The following PRELID2 variants were observed in gnomAD, a reference collection of about 807,000 sequenced individuals.
The protein encoded by PRELID2 is PRELI domain-containing protein 2.
Under a neutral mutation model 28.4 loss-of-function variants are expected in PRELID2, and 25 were observed. That is an observed-to-expected ratio of 0.88 (90% CI 0.64 to 1.23). PRELID2 has a LOEUF of 1.23. Ranked by LOEUF, PRELID2 falls within the 50% of genes most tolerant of loss-of-function variation. PRELID2 has a pLI of 0.00. For missense variants in PRELID2, 201 were observed against 214.4 expected, an observed-to-expected ratio of 0.94 and a Z score of 0.39; for synonymous variants, 76 against 71.6, an observed-to-expected ratio of 1.06 and a Z score of -0.31.
chr5:145,515,565 A>G (rs886263673), intron 1 of PRELID2, among the ~76,000 whole-genome samples: 2 of 152,228 alleles, frequency 1.3e-5, no homozygotes, highest in African/African-American at 4.8e-5. Flanking sequence ...CCCGAGTTAC[A>G]AAGAGAAGCT....
the PRELID2 span, among the ~76,000 whole-genome samples, chr5:145,277,326 A>G: frequency 6.6e-6 from 1 of 152,204 alleles, no homozygotes; most frequent in East Asian, 1.9e-4. Flanking sequence ...ATTAGATCTC[A>G]TAAAAATAAA....
the PRELID2 span, among the ~76,000 whole-genome samples, chr5:145,352,659 A>G: frequency 1.2e-3 from 187 of 152,226 alleles, no homozygotes; most frequent in African/African-American, 4.5e-3. Flanking sequence ...ACAGGCTTGA[A>G]TTTCTTTCCA....
At chr5:145,572,140 A>G (rs1753020293) in intron 1 of PRELID2, among the ~76,000 whole-genome samples, 1 of 152,226 alleles carries the variant, frequency 6.6e-6, no homozygotes, top group Non-Finnish European at 1.5e-5. Context: ...AGATCTTTAG[A>G]TAAATTGGTT....
At chr5:145,315,632 C>CCTCACA in the PRELID2 span, among the ~76,000 whole-genome samples, 1 of 150,532 alleles carries the variant, frequency 6.6e-6, no homozygotes, top group African/African-American at 2.5e-5. Context: ...AATAGCCCAT[C>CCTCACA]CTCACACATA....
At chr5:145,337,994 G>A in the PRELID2 span, 1 of 151,776 alleles carries the variant, frequency 6.6e-6, no homozygotes, top group Admixed American at 6.6e-5. Context: ...TAAAGCTGGA[G>A]GGAAATAAAA....
At chr5:145,668,132 G>T (rs1431257451) in intron 1 of PRELID2, among the ~76,000 whole-genome samples, 1 of 151,982 alleles carries the variant, frequency 6.6e-6, no homozygotes, top group African/African-American at 2.4e-5. Flanking sequence ...AAATATCAAA[G>T]ATTTAGTGTT....
chr5:145,790,236 G>T (rs1359761932), intron 5 of PRELID2, among the ~76,000 whole-genome samples: 1 of 152,086 alleles, frequency 6.6e-6, no homozygotes, highest in Non-Finnish European at 1.5e-5. Flanking sequence ...CCAAGATATG[G>T]AATCAACCTA....
rs115974356 is a variant in PRELID2 at position 145,521,484 on chromosome 5, G to C, written n.71-48169C>G. 2.6e-3 allele frequency among the ~76,000 whole-genome samples: 392 copies of C among 152,236 alleles called. 2 individuals carry two copies. The highest frequency in any genetic ancestry group is 9.1e-3 in the African/African-American group (378 of 41,534). On this transcript the variant is annotated intron_variant and non_coding_transcript_variant, in intron 1 of 2. Coordinates refer to the PRELID2 transcript ENST00000510259. The stretch of plus-strand genomic sequence containing the variant: ...CTGCCATGTACAACATGGGGATCCA[G>C]TGTGGTTGTAAAATATTCCCATTTT...
At chr5:145,736,945 C>G (rs1434267700) in intron 1 of PRELID2, among the ~76,000 whole-genome samples, 1 of 151,906 alleles carries the variant, frequency 6.6e-6, no homozygotes, top group Non-Finnish European at 1.5e-5. Flanking sequence ...ATGATAAAAT[C>G]TAATGTCAGA....
chr5:145,613,892 C>T (rs1218960598), intron 1 of PRELID2, among the ~76,000 whole-genome samples: 1 of 152,124 alleles, frequency 6.6e-6, no homozygotes. Flanking sequence ...AAATCCTTGC[C>T]TAAGCCAATG....
chr5:145,389,648 G>A, the PRELID2 span, among the ~76,000 whole-genome samples: 11 of 152,190 alleles, frequency 7.2e-5, no homozygotes, highest in Non-Finnish European at 8.8e-5. Context: ...ATTAAAACTC[G>A]TGGGAGTTGT....
At position 145,615,005 on chromosome 5, in the gene PRELID2, T is replaced by C. The variant is rs143755811; in HGVS notation, n.71-141690A>G. Among the ~76,000 whole-genome samples, 371 of 152,318 alleles carry C rather than the reference T, an allele frequency of 2.4e-3. 3 individuals are homozygous for C. The highest frequency in any genetic ancestry group is 8.4e-3 in the African/African-American group (351 of 41,574). The stretch of plus-strand genomic sequence containing the variant: ...CCTGTCTAGTGCTGTCAGTGGAGTA[T>C]TGAAGTCCCCCACTATTATTGTGTT... On this transcript the variant is annotated intron_variant and non_coding_transcript_variant, in intron 1 of 2. Coordinates refer to the PRELID2 transcript ENST00000510259.
At chr5:145,675,830 G>A (rs17103613) in intron 1 of PRELID2, among the ~76,000 whole-genome samples, 1,623 of 152,258 alleles carry the variant, frequency 0.011, 30 homozygotes, top group African/African-American at 0.036. Context: ...TCCACACAAT[G>A]AAGAACTACA....
intron 1 of PRELID2, among the ~76,000 whole-genome samples, chr5:145,689,522 T>G (rs566825518): frequency 6.6e-6 from 1 of 152,064 alleles, no homozygotes; most frequent in Non-Finnish European, 1.5e-5. Flanking sequence ...AGCCCCAGTA[T>G]CAAAAAGCCA....
the PRELID2 span, among the ~76,000 whole-genome samples, chr5:145,424,768 C>T: frequency 6.6e-6 from 1 of 152,128 alleles, no homozygotes; most frequent in Non-Finnish European, 1.5e-5. Context: ...CAAAAATTAA[C>T]TCCAGATGGA....
the PRELID2 span, among the ~76,000 whole-genome samples, chr5:145,261,119 T>C: frequency 6.6e-6 from 1 of 152,108 alleles, no homozygotes; most frequent in Non-Finnish European, 1.5e-5. Flanking sequence ...GTAATTTCAT[T>C]GGCCTGAGAA....
At chr5:145,812,151 C>T (rs1044718431) in intron 4 of PRELID2, among the ~76,000 whole-genome samples, 2 of 152,080 alleles carry the variant, frequency 1.3e-5, no homozygotes, top group African/African-American at 4.8e-5. Context: ...GGGCTTTTTT[C>T]CTCATGGCTA....
intron 1 of PRELID2, among the ~76,000 whole-genome samples, chr5:145,712,366 TACTGTGCTTCTCCCA>T (rs1257088662): frequency 6.6e-6 from 1 of 152,198 alleles, no homozygotes; most frequent in African/African-American, 2.4e-5. Context: ...AATAATATAT[TACTGTGCTTCTCCCA>T]ACTCTCTGTT....
At chr5:145,450,278 C>A in the PRELID2 span, among the ~76,000 whole-genome samples, 1 of 152,114 alleles carries the variant, frequency 6.6e-6, no homozygotes, top group African/African-American at 2.4e-5. Context: ...TAAACAGACA[C>A]AACTGAACTC....
Sources: allele counts gnomAD v4.1 joint callset (sites outside exome capture counted in the v4.1 genomes callset), GRCh38; gene constraint gnomAD v4.1.1; transcripts MANE v1.5; gene names NCBI Gene and HGNC (gene_info 2026-07-23, HGNC 2026-07-21).